The following NEXN variants were observed in gnomAD, a reference collection of about 807,000 sequenced individuals.
NEXN encodes the protein nexilin F-actin binding protein, also known as nexilin.
A neutral mutation model predicts 92.6 loss-of-function variants in NEXN; 65 were observed. The observed-to-expected ratio is 0.70, with a 90% CI of 0.57 to 0.86. The LOEUF is 0.86. Ranked by LOEUF, NEXN falls within the 40% of genes least tolerant of loss-of-function variation. NEXN has a pLI of 0.00. For synonymous variants in NEXN, 254 were observed against 242.5 expected (o/e 1.05, Z -0.44); for missense variants, 778 against 771.1 (o/e 1.01, Z -0.11).
At chr1:77,916,927 T>C (rs1458720680) in intron 2 of NEXN, among the ~76,000 whole-genome samples, 1 of 152,186 alleles carries the variant, frequency 6.6e-6, no homozygotes, top group Non-Finnish European at 1.5e-5. Context: ...TAGAATGATA[T>C]AGCCTTCTTA....
chr1:77,912,619 G>A (rs529068183), intron 1 of NEXN, among the ~76,000 whole-genome samples: 76 of 152,260 alleles, frequency 5.0e-4, no homozygotes, highest in Non-Finnish European at 8.4e-4. Flanking sequence ...CAATGAAACC[G>A]AATAGAGAGC....
rs1463276569 is a variant in NEXN at position 77,926,402 on chromosome 1, T to A, written c.490-12T>A. On this transcript the variant is annotated splice_polypyrimidine_tract_variant and intron_variant, in intron 6 of 12. Transcript: ENST00000334785. ...AAGAAGAAATAGGCTAATTATCTAT[T>A]TTATAAAATAGGAAGGAGATGATTC... The A allele has an allele frequency of 1.3e-6, 2 of 1,567,768 alleles. No individual in the cohort carries two copies. Among genetic ancestry groups the A allele is most frequent in the Non-Finnish European group, 1.7e-6 (2 of 1,143,836 alleles).
At chr1:77,917,075 T>G (rs1649036704) in intron 2 of NEXN, among the ~76,000 whole-genome samples, 1 of 152,194 alleles carries the variant, frequency 6.6e-6, no homozygotes, top group Non-Finnish European at 1.5e-5. Flanking sequence ...TTTGCTTATA[T>G]TGGATATAGA....
At chr1:77,911,966 C>G (rs1480424319) in intron 1 of NEXN, among the ~76,000 whole-genome samples, 1 of 151,340 alleles carries the variant, frequency 6.6e-6, no homozygotes, top group African/African-American at 2.4e-5. Flanking sequence ...GTAGTCCCAG[C>G]TACTCAGGAG....
At chr1:77,936,107 A>G in intron 11 of NEXN, 63 bp downstream of exon 11, 1 of 1,270,624 alleles carries the variant, frequency 7.9e-7, no homozygotes, top group Non-Finnish European at 1.1e-6. Flanking sequence ...TAACAGAAGT[A>G]ACATTGGCTT....
intron 11 of NEXN, among the ~76,000 whole-genome samples, chr1:77,941,486 T>C (rs577997952): frequency 3.3e-5 from 5 of 152,156 alleles, no homozygotes; most frequent in Admixed American, 6.5e-5. Flanking sequence ...GTTTCAGCCA[T>C]TGCCTCTTTC....
intron 1 of NEXN, chr1:77,888,967 G>A (rs1035077372): frequency 6.5e-6 from 1 of 152,880 alleles, no homozygotes; most frequent in Admixed American, 6.5e-5. Flanking sequence ...CTGCCTTGGA[G>A]CCGCATCCTG....
chr1:77,929,615 A>G, intron 9 of NEXN, 111 bp downstream of exon 9: 2 of 1,419,008 alleles, frequency 1.4e-6, no homozygotes, highest in Non-Finnish European at 2.0e-6. Context: ...CTGTGCCAAG[A>G]GTAGAAATGG....
In NEXN at chr1:77,918,023, G is replaced by A. The variant is rs1034339687; in HGVS notation, c.283G>A (p.Val95Ile). 6 of 1,613,514 alleles carry A rather than the reference G, an allele frequency of 3.7e-6. No homozygotes were observed. The African/African-American group carries it at 6.7e-5, about 18-fold the overall frequency. Residue 95 changes from valine to isoleucine, a missense_variant, in exon 4 of 13, where the codon GTT becomes ATT. By Grantham distance (29) the Val-to-Ile change is conservative (BLOSUM62 3). Transcript: ENST00000334785. ...DVSSKVEKAY[V>I]PKLTGTVKGR... Reference sequence around the variant, plus strand: ...ATCTTCTAAAGTAGAAAAGGCTTATGTTCCAAAATTAACAGGTAAGAAGCT... The same window carrying A: ...ATCTTCTAAAGTAGAAAAGGCTTATATTCCAAAATTAACAGGTAAGAAGCT...
chr1:77,914,964 T>C (rs1029777885), intron 1 of NEXN, among the ~76,000 whole-genome samples: 3 of 151,176 alleles, frequency 2.0e-5, no homozygotes, highest in Non-Finnish European at 4.4e-5. Context: ...TATAAAAACA[T>C]AGATAGAGTG....
At position 77,929,441 on chromosome 1, in the gene NEXN, A is replaced by C. The variant is rs1650119189; in HGVS notation, c.990A>C (p.Glu330Asp). The change falls in exon 9 of 13, where the codon GAA becomes GAC. Residue 330 changes from glutamate to aspartate, a missense_variant. Physicochemically the swap from Glu to Asp is conservative, Grantham distance 45. Coordinates refer to ENST00000334785, the MANE Select transcript of NEXN (RefSeq NM_144573.4). The stretch of plus-strand genomic sequence containing the variant: ...GAGAAGATGAAAAAAGGAAAGCAGA[A>C]GAAGAAGCCAGAAGGAGAATAGAGG... ...QRREDEKRKA[E>D]EEARRRIEEE... The C allele has an allele frequency of 6.2e-7, 1 of 1,613,326 alleles. No homozygotes were observed. Among genetic ancestry groups the C allele is most frequent in the Admixed American group, 1.7e-5 (1 of 59,994 alleles).
intron 1 of NEXN, among the ~76,000 whole-genome samples, chr1:77,914,102 A>T (rs143306641): frequency 6.6e-6 from 1 of 152,332 alleles, no homozygotes. Context: ...AAGTAAGTGG[A>T]GTAAAGAGGA....
intron 1 of NEXN, among the ~76,000 whole-genome samples, chr1:77,915,525 A>T (rs556332468): frequency 6.6e-6 from 1 of 152,192 alleles, no homozygotes; most frequent in South Asian, 2.1e-4. Context: ...GCTACTCGGG[A>T]GGCTGAAGTG....
rs1457937509 is a variant in NEXN at position 77,914,613 on chromosome 1, C to G, written c.-52-1442C>G. Reference sequence around the variant, plus strand: ...GTGGCTCACGCCTGTAATCCCAGCACTTTGGGAGGCCTAGGTGGGTGGATC... The same window carrying G: ...GTGGCTCACGCCTGTAATCCCAGCAGTTTGGGAGGCCTAGGTGGGTGGATC... On this transcript the variant is annotated intron_variant, in intron 1 of 12. Coordinates refer to ENST00000334785, the MANE Select transcript of NEXN (RefSeq NM_144573.4). 2.0e-5 allele frequency among the ~76,000 whole-genome samples: 3 copies of G among 151,990 alleles called. No homozygotes were observed. The East Asian group carries it at 5.8e-4, about 29-fold the overall frequency.
intron 11 of NEXN, among the ~76,000 whole-genome samples, chr1:77,938,252 C>A (rs1650944550): frequency 6.6e-6 from 1 of 152,172 alleles, no homozygotes; most frequent in Non-Finnish European, 1.5e-5. Context: ...TTGCCAAAAG[C>A]AAACACCATT....
rs540626997 is a variant in NEXN, at chr1:77,900,816, A to AT, written c.-53+12059dup. 2.1e-3 allele frequency among the ~76,000 whole-genome samples: 323 copies of AT among 152,262 alleles called. 1 individual carries two copies. Among genetic ancestry groups the AT allele is most frequent in the African/African-American group, 7.1e-3 (297 of 41,546 alleles). The stretch of plus-strand genomic sequence containing the variant: ...TAATCGTATTCTTGATAACGATTCA[A>AT]TTGACTTGCCTGGGATTTTAGATAC... On this transcript the variant is annotated intron_variant, in intron 1 of 12. Transcript: ENST00000334785.
At position 77,895,029 on chromosome 1, in the gene NEXN, A is replaced by ATTTT. The variant is rs559226754; in HGVS notation, c.-53+6300_-53+6303dup. Among the ~76,000 whole-genome samples, 103 of 61,654 alleles carry ATTTT rather than the reference A, an allele frequency of 1.7e-3. 1 individual carries two copies. The highest frequency in any genetic ancestry group is 2.9e-3 in the African/African-American group (43 of 14,652). The allele number at this position is 61,654 out of a possible 152,430, so 40.4% of individuals were successfully genotyped here. ...CCATCCATGGCCAGCCTATAGTGTA[A>ATTTT]TTTTTTTTTTTTTTTTTTTTTTTTT... On this transcript the variant is annotated intron_variant, in intron 1 of 12. Coordinates refer to ENST00000334785, the MANE Select transcript of NEXN (RefSeq NM_144573.4).
intron 1 of NEXN, among the ~76,000 whole-genome samples, chr1:77,898,978 G>A (rs1557960631): frequency 6.6e-6 from 1 of 152,208 alleles, no homozygotes; most frequent in South Asian, 2.1e-4. Context: ...ACACCAGTTA[G>A]AATGGCGATC....
chr1:77,933,158 T>C, intron 9 of NEXN, 124 bp from the exon 10 acceptor site: 2 of 678,326 alleles, frequency 2.9e-6, no homozygotes, highest in Non-Finnish European at 5.0e-6. Context: ...TGAAACTCCA[T>C]CTCAAAAAAC....
Sources: gnomAD v4.1 joint callset for allele counts (sites outside exome capture counted in the v4.1 genomes callset) on GRCh38, gnomAD v4.1.1 for gene constraint, MANE v1.5 for transcripts, NCBI Gene and HGNC (gene_info 2026-07-23, HGNC 2026-07-21) for gene names.